KDM4C: variants seen among roughly 807,000 people sequenced by gnomAD.
KDM4C encodes the protein lysine-specific demethylase 4C.
KDM4C carries 81 observed loss-of-function variants against 129.3 expected under a neutral mutation model. That is an observed-to-expected ratio of 0.63 (90% CI 0.52 to 0.75). The LOEUF (loss-of-function observed/expected upper bound fraction) is 0.75. Among genes scored for constraint, KDM4C ranks in the 30% least tolerant of loss-of-function variants. KDM4C has a pLI of 0.00. For missense variants in KDM4C, 1,457 were observed against 1,304.0 expected, an observed-to-expected ratio of 1.12 and a Z score of -1.81; for synonymous variants, 573 against 456.1, an observed-to-expected ratio of 1.26 and a Z score of -3.26.
Position 7,159,016 on chromosome 9 carries a change from G to A in KDM4C, c.2782-6222G>A, listed in dbSNP as rs1225643706. ...CTCTAAGGACTTGCTTTATGAATCTGGGTGCTCCTGTATTGGGTGCATATA... is the reference window on the plus strand; with the variant it reads ...CTCTAAGGACTTGCTTTATGAATCTAGGTGCTCCTGTATTGGGTGCATATA... On this transcript the variant is annotated intron_variant, in intron 19 of 21. Coordinates refer to ENST00000381309, the MANE Select transcript of KDM4C (RefSeq NM_015061.6). 4.6e-5 allele frequency among the ~76,000 whole-genome samples: 7 copies of A among 152,280 alleles called. No individual in the cohort carries two copies. In the East Asian group the frequency reaches 1.3e-3, roughly 29 times the overall value.
intron 4 of KDM4C, chr9:6,834,404 G>C (rs901937947): frequency 6.4e-5 from 25 of 393,010 alleles, no homozygotes; most frequent in African/African-American, 1.0e-4. Context: ...CGTGAGCACA[G>C]ACCCTGGCCC....
intron 5 of KDM4C, among the ~76,000 whole-genome samples, chr9:6,867,303 T>A (rs961519423): frequency 6.6e-6 from 1 of 152,290 alleles, no homozygotes; most frequent in African/African-American, 2.4e-5. Context: ...CGTGAGCCGC[T>A]GCGCCCGGCC....
chr9:6,738,731 C>T (rs1265195187), intron 1 of KDM4C, among the ~76,000 whole-genome samples: 2 of 152,076 alleles, frequency 1.3e-5, no homozygotes, highest in South Asian at 4.1e-4. Context: ...AGGGGCATGC[C>T]ACCACGCCCA....
At chr9:6,964,672 C>G (rs972678200) in intron 8 of KDM4C, among the ~76,000 whole-genome samples, 23 of 150,680 alleles carry the variant, frequency 1.5e-4, no homozygotes, top group African/African-American at 5.4e-4. Flanking sequence ...GTCCCAGCTA[C>G]TCGTGAGGCT....
At chr9:7,119,570 T>G (rs1354018276) in intron 18 of KDM4C, among the ~76,000 whole-genome samples, 1 of 152,098 alleles carries the variant, frequency 6.6e-6, no homozygotes, top group East Asian at 1.9e-4. Flanking sequence ...GATATTAGTA[T>G]TTAATGCATT....
chr9:6,858,106 C>T (rs1478150092), intron 5 of KDM4C, among the ~76,000 whole-genome samples: 2 of 151,896 alleles, frequency 1.3e-5, no homozygotes, highest in Non-Finnish European at 2.9e-5. Context: ...AGGTTTGAGC[C>T]ACTATGCCTG....
intron 17 of KDM4C, among the ~76,000 whole-genome samples, chr9:7,088,251 G>A (rs139422568): frequency 7.2e-5 from 11 of 152,302 alleles, no homozygotes; most frequent in Admixed American, 1.3e-4. Context: ...AAAAGTACTC[G>A]TTGATATGAA....
chr9:7,150,856 C>G (rs1842665349), intron 19 of KDM4C, among the ~76,000 whole-genome samples: 1 of 152,174 alleles, frequency 6.6e-6, no homozygotes, highest in Non-Finnish European at 1.5e-5. Context: ...TCACCTATTT[C>G]TAATATCATA....
rs543238967 is a variant in KDM4C, at chr9:6,967,765, C to G, written c.922-13160C>G. 3.5e-4 allele frequency among the ~76,000 whole-genome samples: 53 copies of G among 152,278 alleles called. 1 individual carries two copies. Among genetic ancestry groups the G allele is most frequent in the African/African-American group, 1.3e-3 (52 of 41,550 alleles). ...TCCTCGAGTTCAGAGTTCAGAAGAT[C>G]CGGGATGATACACATTATTAGTACT... is the stretch of plus-strand genomic sequence containing the variant. On this transcript the variant is annotated intron_variant, in intron 8 of 21. Transcript: ENST00000381309.
chr9:6,842,315 T>TC lies in KDM4C; in HGVS notation c.436-7192_436-7191insC, dbSNP rs200907836. On this transcript the variant is annotated intron_variant, in intron 4 of 21. Coordinates refer to ENST00000381309, the MANE Select transcript of KDM4C (RefSeq NM_015061.6). ...TTATTTTCTTTTATCCACATTTCTT[T>TC]TTTTTTTTTTTTTTTTTTTGAGACG... 8.6e-3 allele frequency among the ~76,000 whole-genome samples: 1,153 copies of TC among 133,522 alleles called. 11 individuals are homozygous for TC. Among genetic ancestry groups the TC allele is most frequent in the African/African-American group, 0.027 (949 of 35,452 alleles). The allele number at this position is 133,522 out of a possible 152,430, so 87.6% of individuals were successfully genotyped here.
intron 8 of KDM4C, among the ~76,000 whole-genome samples, chr9:6,900,271 G>T (rs762783951): frequency 1.3e-5 from 2 of 152,166 alleles, no homozygotes; most frequent in Admixed American, 6.6e-5. Context: ...TTAGATGTAG[G>T]TTTGCCCCCA....
intron 4 of KDM4C, among the ~76,000 whole-genome samples, chr9:6,842,207 C>T (rs1837059781): frequency 6.6e-6 from 1 of 152,114 alleles, no homozygotes; most frequent in Non-Finnish European, 1.5e-5. Flanking sequence ...CAAAACTCCT[C>T]CTTCCTTTAT....
rs192622431 is a variant in KDM4C at position 6,790,168 on chromosome 9, T to G, written c.-17-2804T>G. ...ATCCGCTCGCCTTGGCCTCCTGAAG[T>G]GCTGGGATTACAGGCGTGAGCCACC... On this transcript the variant is annotated intron_variant, in intron 1 of 21. Coordinates refer to ENST00000381309, the MANE Select transcript of KDM4C (RefSeq NM_015061.6). Among the ~76,000 whole-genome samples, 499 of 147,590 alleles carry G rather than the reference T, an allele frequency of 3.4e-3. 3 individuals carry two copies. Among genetic ancestry groups the G allele is most frequent in the African/African-American group, 0.012 (480 of 40,670 alleles).
At chr9:6,806,890 C>CTCTCCG (rs1193590811) in intron 3 of KDM4C, among the ~76,000 whole-genome samples, 6 of 108,708 alleles carry the variant, frequency 5.5e-5, no homozygotes, top group African/African-American at 1.9e-4. Flanking sequence ...CTCCCTCTCC[C>CTCTCCG]TCTCCCTCTC....
intron 15 of KDM4C, among the ~76,000 whole-genome samples, chr9:7,042,399 A>G (rs1828748595): frequency 6.6e-6 from 1 of 152,202 alleles, no homozygotes; most frequent in African/African-American, 2.4e-5. Context: ...TTTAAATGGT[A>G]TCATTACTTC....
chr9:7,147,917 T>G (rs528954924), intron 19 of KDM4C, among the ~76,000 whole-genome samples: 152 of 152,296 alleles, frequency 1.0e-3, no homozygotes, highest in African/African-American at 3.6e-3. Context: ...CCCGCTAGGC[T>G]CGTTCCGTCC....
chr9:6,918,060 G>A (rs939448706), intron 8 of KDM4C, among the ~76,000 whole-genome samples: 5 of 152,108 alleles, frequency 3.3e-5, no homozygotes, highest in South Asian at 2.1e-4. Flanking sequence ...AGATGTGCAG[G>A]TTTGTTACAT....
chr9:6,919,865 G>C (rs774030706), intron 8 of KDM4C, among the ~76,000 whole-genome samples: 5 of 151,990 alleles, frequency 3.3e-5, no homozygotes, highest in Non-Finnish European at 7.4e-5. Flanking sequence ...GTGAGCCACT[G>C]CACCTGGCCA....
At chr9:6,980,804 A>C in intron 8 of KDM4C, 121 bp from the exon 9 acceptor site, 1 of 757,382 alleles carries the variant, frequency 1.3e-6, no homozygotes, top group Non-Finnish European at 2.2e-6. Flanking sequence ...TTGATAATGT[A>C]ATGCATTATC....
Sources: gnomAD v4.1 joint callset for allele counts (sites outside exome capture counted in the v4.1 genomes callset) on GRCh38, gnomAD v4.1.1 for gene constraint, MANE v1.5 for transcripts, NCBI Gene and HGNC (gene_info 2026-07-23, HGNC 2026-07-21) for gene names.